Variants in SPECC1 observed in about 807,000 individuals in gnomAD.
The protein encoded by SPECC1 is sperm antigen with calponin homology and coiled-coil domains 1, also known as cytospin-B.
A neutral mutation model predicts 104.1 loss-of-function variants in SPECC1; 62 were observed. That is an observed-to-expected ratio of 0.60 (90% confidence interval 0.49 to 0.74). The LOEUF (loss-of-function observed/expected upper bound fraction) is 0.74. Ranked by LOEUF, SPECC1 falls within the 30% of genes least tolerant of loss-of-function variation. The pLI is 0.00. For missense variants in SPECC1, 1,306 were observed against 1,310.5 expected, an observed-to-expected ratio of 1.00 and a Z score of 0.05; for synonymous variants, 513 against 501.6, an observed-to-expected ratio of 1.02 and a Z score of -0.30.
chr17:20,274,507 C>CTTT (rs1162367833), intron 12 of SPECC1, among the ~76,000 whole-genome samples: 15 of 131,458 alleles, frequency 1.1e-4, no homozygotes, highest in East Asian at 2.2e-4. Flanking sequence ...TTTCTTTTTT[C>CTTT]TTTTTTTTTT....
chr17:20,241,080 A>G (rs559777143), intron 7 of SPECC1, among the ~76,000 whole-genome samples: 1 of 152,258 alleles, frequency 6.6e-6, no homozygotes, highest in South Asian at 2.1e-4. Flanking sequence ...AGTGCTTCTG[A>G]TCTTCTTCTC....
At chr17:20,194,502 A>ATTATTATTTTTTTTTTTTTTTTTTTTTT in intron 3 of SPECC1, among the ~76,000 whole-genome samples, 35 of 86,536 alleles carry the variant, frequency 4.0e-4, no homozygotes, top group East Asian at 1.6e-3. Flanking sequence ...AAGAGAACGA[A>ATTATTATTTTTTTTTTTTTTTTTTTTTT]TTTTTTTTTT....
intron 3 of SPECC1, among the ~76,000 whole-genome samples, chr17:20,139,133 C>T (rs1056952876): frequency 6.6e-6 from 1 of 152,172 alleles, no homozygotes; most frequent in African/African-American, 2.4e-5. Flanking sequence ...TCCTTTCCAA[C>T]CCTGAAGGGG....
rs1395919924 is a variant in SPECC1 at position 20,298,984 on chromosome 17, G to GTGTGTGTGTGTGTGTGTGT, written c.3057+1907_3057+1908insTGTGTGTGTGTGTGTGTGT. 7.5e-4 allele frequency among the ~76,000 whole-genome samples: 58 copies of GTGTGTGTGTGTGTGTGTGT among 76,840 alleles called. 7 individuals are homozygous for GTGTGTGTGTGTGTGTGTGT. Among genetic ancestry groups the GTGTGTGTGTGTGTGTGTGT allele is most frequent in the Middle Eastern group, 5.7e-3 (1 of 176 alleles). 50.4% of individuals were successfully genotyped at this position (76,840 alleles called of 152,430 possible). ...GTGTGTGTGTGTGTATGTAGAGAGAGAGAGAGAGAGAGGTGGGGGCTGGGG... is the reference window on the plus strand; with the variant it reads ...GTGTGTGTGTGTGTATGTAGAGAGAGTGTGTGTGTGTGTGTGTGTAGAGAGAGAGAGGTGGGGGCTGGGG... On this transcript the variant is annotated intron_variant, in intron 13 of 14. Transcript: ENST00000395527.
chr17:20,011,379 A>G (rs778063878), intron 1 of SPECC1, among the ~76,000 whole-genome samples: 9 of 152,198 alleles, frequency 5.9e-5, no homozygotes, highest in Non-Finnish European at 1.0e-4. Flanking sequence ...CTAGAAAATC[A>G]TTAACATTAT....
chr17:20,144,603 G>A (rs966791529), intron 3 of SPECC1, among the ~76,000 whole-genome samples: 1 of 152,118 alleles, frequency 6.6e-6, no homozygotes, highest in Admixed American at 6.6e-5. Flanking sequence ...TTATATATAA[G>A]TGAACTTCAA....
intron 4 of SPECC1, among the ~76,000 whole-genome samples, chr17:20,206,733 CAA>C (rs1362727399): frequency 2.0e-5 from 3 of 152,072 alleles, no homozygotes; most frequent in African/African-American, 7.2e-5. Context: ...CTTACCGAGT[CAA>C]AGAGTATAAA....
At chr17:20,288,675 A>G (rs1365553668) in intron 12 of SPECC1, among the ~76,000 whole-genome samples, 1 of 152,136 alleles carries the variant, frequency 6.6e-6, no homozygotes, top group African/African-American at 2.4e-5. Context: ...TGATAAAGAC[A>G]TACCTGAGAC....
intron 2 of SPECC1, among the ~76,000 whole-genome samples, chr17:20,103,779 T>C (rs2048054143): frequency 6.6e-6 from 1 of 152,192 alleles, no homozygotes; most frequent in African/African-American, 2.4e-5. Flanking sequence ...CACTGAAATC[T>C]GGACTTTATC....
intron 4 of SPECC1, among the ~76,000 whole-genome samples, chr17:20,224,004 A>C (rs2038058264): frequency 6.6e-6 from 1 of 152,098 alleles, no homozygotes; most frequent in Non-Finnish European, 1.5e-5. Flanking sequence ...ATTCAAAGGG[A>C]ATTGAGTGTT....
intron 2 of SPECC1, among the ~76,000 whole-genome samples, chr17:20,097,171 G>A (rs908516180): frequency 2.6e-5 from 4 of 152,094 alleles, no homozygotes; most frequent in African/African-American, 7.2e-5. Context: ...ACTGGACCCC[G>A]CAGCAGCATG....
intron 4 of SPECC1, among the ~76,000 whole-genome samples, chr17:20,218,202 A>G (rs2037630642): frequency 6.6e-6 from 1 of 152,222 alleles, no homozygotes; most frequent in African/African-American, 2.4e-5. Context: ...TGTGAGAGAA[A>G]GAATGACTTT....
chr17:20,052,059 G>A (rs1490761682), intron 1 of SPECC1, among the ~76,000 whole-genome samples: 1 of 152,146 alleles, frequency 6.6e-6, no homozygotes, highest in Non-Finnish European at 1.5e-5. Context: ...CTAGAAGAAT[G>A]TTTGACCTGT....
rs924676639 is a variant in SPECC1 at position 20,111,585 on chromosome 17, C to A, written c.283+1023C>A. Among the ~76,000 whole-genome samples the A allele has an allele frequency of 2.0e-5, 3 of 152,010 alleles. No individual in the cohort carries two copies. In the East Asian group the frequency reaches 5.8e-4, roughly 29 times the overall value. ...CAGTGATCCCAAAAGTTAATAAAGC[C>A]CCACTCAAAAAAAGACAGACTGGGA... On this transcript the variant is annotated intron_variant, in intron 3 of 14. Transcript: ENST00000395527.
chr17:20,073,529 G>C (rs1249881047), intron 1 of SPECC1: 3 of 152,236 alleles, frequency 2.0e-5, no homozygotes, highest in African/African-American at 7.2e-5. Context: ...ATCAGAACTT[G>C]GGGAGAGCAG....
At chr17:20,110,604 C>T in intron 3 of SPECC1, 42 bp downstream of exon 3, 1 of 1,568,658 alleles carries the variant, frequency 6.4e-7, no homozygotes, top group Non-Finnish European at 8.6e-7. Flanking sequence ...GCCATCAGTC[C>T]TGGCCGCATG....
intron 3 of SPECC1, among the ~76,000 whole-genome samples, chr17:20,172,030 G>C (rs2034131312): frequency 1.3e-5 from 2 of 152,176 alleles, no homozygotes; most frequent in South Asian, 4.1e-4. Context: ...AGCTTCTCTG[G>C]AGCTCTCTTC....
intron 3 of SPECC1, among the ~76,000 whole-genome samples, chr17:20,202,266 C>T (rs1290802130): frequency 6.6e-6 from 1 of 152,148 alleles, no homozygotes; most frequent in Non-Finnish European, 1.5e-5. Context: ...TACTGTGATG[C>T]TAATCATCTC....
intron 1 of SPECC1, among the ~76,000 whole-genome samples, chr17:20,021,702 A>ATATTTTT (rs1402960712): frequency 3.6e-5 from 5 of 139,280 alleles, no homozygotes; most frequent in African/African-American, 1.3e-4. Flanking sequence ...ATATATATAT[A>ATATTTTT]TTTTTTTGTA....
Sources: allele counts gnomAD v4.1 joint callset (sites outside exome capture counted in the v4.1 genomes callset), GRCh38; gene constraint gnomAD v4.1.1; transcripts MANE v1.5; gene names NCBI Gene and HGNC (gene_info 2026-07-23, HGNC 2026-07-21).